RYR3: variants seen among roughly 807,000 people sequenced by gnomAD.
RYR3 encodes brain ryanodine receptor-calcium release channel.
RYR3 carries 207 observed loss-of-function variants against 584.3 expected under a neutral mutation model. The ratio of observed to expected loss-of-function variants is 0.35; its 90% CI spans 0.32 to 0.40. RYR3 has a LOEUF of 0.40. Ranked by LOEUF, RYR3 falls within the 10% of genes least tolerant of loss-of-function variation. The probability of loss-of-function intolerance (pLI) is 1.00; values close to 1 mark genes in which losing one functional copy is unlikely to be tolerated. For missense variants in RYR3, 5,616 were observed against 6,089.2 expected, an observed-to-expected ratio of 0.92 and a Z score of 2.59; for synonymous variants, 2,416 against 2,248.5, an observed-to-expected ratio of 1.07 and a Z score of -2.11.
At chr15:33,792,616 G>T (rs1439702439) in intron 67 of RYR3, among the ~76,000 whole-genome samples, 1 of 152,030 alleles carries the variant, frequency 6.6e-6, no homozygotes, top group Non-Finnish European at 1.5e-5. Context: ...AATTTTTAAT[G>T]TAATTCACTC....
intron 43 of RYR3, among the ~76,000 whole-genome samples, chr15:33,709,922 C>T (rs114145941): frequency 0.013 from 2,011 of 152,154 alleles, 43 homozygotes; most frequent in African/African-American, 0.044. Flanking sequence ...ATTGATTCAG[C>T]GTGTAGAGAG....
At chr15:33,549,097 G>T (rs1296591447) in intron 9 of RYR3, among the ~76,000 whole-genome samples, 1 of 151,994 alleles carries the variant, frequency 6.6e-6, no homozygotes, top group African/African-American at 2.4e-5. Context: ...ATTGGCGGCT[G>T]ATGGTTTAAG....
At chr15:33,600,707 A>C (rs1363452012) in intron 16 of RYR3, among the ~76,000 whole-genome samples, 2 of 152,050 alleles carry the variant, frequency 1.3e-5, no homozygotes, top group Non-Finnish European at 2.9e-5. Context: ...AATCTCCAGA[A>C]ATTAAAGGGT....
In RYR3 at chr15:33,453,930, C is replaced by A. The variant is rs111259099; in HGVS notation, c.52-19489C>A. 1.9e-3 allele frequency among the ~76,000 whole-genome samples: 284 copies of A among 152,222 alleles called. 1 individual carries two copies. Among genetic ancestry groups the A allele is most frequent in the African/African-American group, 6.4e-3 (264 of 41,526 alleles). On this transcript the variant is annotated intron_variant, in intron 1 of 103. Coordinates refer to ENST00000634891, the MANE Select transcript of RYR3 (RefSeq NM_001036.6). ...CATTGGGTCCTTTCCTAGGATCCAG[C>A]GGGTAAATGATTGACTTGTTTTGAA... is the stretch of plus-strand genomic sequence containing the variant.
At chr15:33,619,702 C>T (rs933033544) in intron 19 of RYR3, among the ~76,000 whole-genome samples, 6 of 152,176 alleles carry the variant, frequency 3.9e-5, no homozygotes, top group Non-Finnish European at 8.8e-5. Flanking sequence ...AGCCCTTCCC[C>T]AGCTTGGGCC....
At chr15:33,501,138 C>T (rs2051948562) in intron 2 of RYR3, among the ~76,000 whole-genome samples, 1 of 152,202 alleles carries the variant, frequency 6.6e-6, no homozygotes, top group African/African-American at 2.4e-5. Flanking sequence ...CACTATTGTC[C>T]TGTTTAAATA....
intron 1 of RYR3, among the ~76,000 whole-genome samples, chr15:33,384,201 A>G (rs1314547146): frequency 6.6e-6 from 1 of 152,142 alleles, no homozygotes; most frequent in Non-Finnish European, 1.5e-5. Context: ...AGACCGAGGA[A>G]AGATGCCTTG....
intron 1 of RYR3, among the ~76,000 whole-genome samples, chr15:33,312,697 G>A (rs150119364): frequency 1.3e-5 from 2 of 152,032 alleles, no homozygotes; most frequent in South Asian, 2.1e-4. Context: ...TCTTCTAGGC[G>A]TTATTGCTTG....
intron 1 of RYR3, among the ~76,000 whole-genome samples, chr15:33,333,815 C>A (rs539292952): frequency 3.9e-5 from 6 of 152,190 alleles, no homozygotes; most frequent in Non-Finnish European, 8.8e-5. Context: ...AGCCTAAAAG[C>A]TTCTTAAGCT....
chr15:33,726,526 G>A lies in RYR3; in HGVS notation c.7033+20G>A, dbSNP rs1353667733. 13 of 1,566,736 alleles carry A rather than the reference G, an allele frequency of 8.3e-6. No homozygotes were observed. Among genetic ancestry groups the A allele is most frequent in the South Asian group, 2.4e-5 (2 of 84,830 alleles). ...ACAAAGGTAAGGGGAGTGACTGCAG[G>A]CTGCAGCAGCAGTCTCCCAGCAGCC... is the stretch of plus-strand genomic sequence containing the variant. On this transcript the variant is annotated intron_variant, in intron 46 of 103. Coordinates refer to ENST00000634891, the MANE Select transcript of RYR3 (RefSeq NM_001036.6).
intron 18 of RYR3, among the ~76,000 whole-genome samples, chr15:33,604,749 T>C (rs1222800601): frequency 6.6e-6 from 1 of 152,232 alleles, no homozygotes; most frequent in Non-Finnish European, 1.5e-5. Context: ...AGTGTTATCA[T>C]GGAGCCACTG....
intron 68 of RYR3, 106 bp from the exon 69 acceptor site, chr15:33,801,763 C>A: frequency 1.6e-6 from 1 of 639,382 alleles, no homozygotes; most frequent in South Asian, 2.0e-5. Flanking sequence ...GGAATCACCT[C>A]GGCTGAGAGG....
chr15:33,836,796 C>A, intron 87 of RYR3, 110 bp from the exon 88 acceptor site: 1 of 729,792 alleles, frequency 1.4e-6, no homozygotes, highest in Non-Finnish European at 2.3e-6. Context: ...TCTTTCCCGA[C>A]ACTGATGCAG....
chr15:33,824,842 A>G (rs1255169665), intron 81 of RYR3, among the ~76,000 whole-genome samples: 11 of 152,214 alleles, frequency 7.2e-5, no homozygotes. Flanking sequence ...GGAATAAGTT[A>G]GACTCCGTTA....
intron 1 of RYR3, among the ~76,000 whole-genome samples, chr15:33,333,775 G>A (rs1007466828): frequency 6.6e-6 from 1 of 152,120 alleles, no homozygotes; most frequent in Admixed American, 6.5e-5. Context: ...CAGACAACAT[G>A]TTCCTATATC....
At chr15:33,649,656 C>T (rs1267782198) in intron 31 of RYR3, among the ~76,000 whole-genome samples, 1 of 152,182 alleles carries the variant, frequency 6.6e-6, no homozygotes, top group African/African-American at 2.4e-5. Context: ...CTCCTCCTCC[C>T]AAGAGTTTAT....
At chr15:33,754,542 G>A (rs1393543394) in intron 57 of RYR3, among the ~76,000 whole-genome samples, 1 of 152,024 alleles carries the variant, frequency 6.6e-6, no homozygotes, top group African/African-American at 2.4e-5. Flanking sequence ...AGCCTTTATT[G>A]CAGCATCAGT....
At chr15:33,617,973 C>T (rs1032554310) in intron 19 of RYR3, among the ~76,000 whole-genome samples, 2 of 152,014 alleles carry the variant, frequency 1.3e-5, no homozygotes, top group Admixed American at 6.6e-5. Context: ...GTGTAACAAC[C>T]GTATTCATTA....
chr15:33,352,181 A>G (rs1238312070), intron 1 of RYR3, among the ~76,000 whole-genome samples: 5 of 152,170 alleles, frequency 3.3e-5, no homozygotes, highest in African/African-American at 9.7e-5. Flanking sequence ...TTGAGTTTTA[A>G]AAAAATATTT....
Sources: allele counts gnomAD v4.1 joint callset (sites outside exome capture counted in the v4.1 genomes callset), GRCh38; gene constraint gnomAD v4.1.1; transcripts MANE v1.5; gene names NCBI Gene and HGNC (gene_info 2026-07-23, HGNC 2026-07-21).